The following IL20RB variants were observed in gnomAD, a reference collection of about 807,000 sequenced individuals.
The protein encoded by IL20RB is interleukin-20 receptor subunit beta.
Under a neutral mutation model 33.3 loss-of-function variants are expected in IL20RB, and 21 were observed. The observed-to-expected ratio is 0.63, with a 90% CI of 0.45 to 0.91. The LOEUF (loss-of-function observed/expected upper bound fraction) is 0.91. Among genes scored for constraint, IL20RB ranks in the 40% least tolerant of loss-of-function variants. The pLI is 0.00. For missense variants in IL20RB, 345 were observed against 384.8 expected, an observed-to-expected ratio of 0.90 and a Z score of 0.86; for synonymous variants, 147 against 146.8, an observed-to-expected ratio of 1.00 and a Z score of -0.01.
chr3:136,962,489 C>T (rs1176652413), intron 1 of IL20RB, among the ~76,000 whole-genome samples: 5 of 152,200 alleles, frequency 3.3e-5, no homozygotes, highest in Admixed American at 6.5e-5. Flanking sequence ...CGTGGTGGCT[C>T]ATGCCTGTAA....
chr3:136,989,442 C>G lies in IL20RB; in HGVS notation c.408C>G (p.Thr136=). 2 of 1,613,748 alleles carry G rather than the reference C, an allele frequency of 1.2e-6. No homozygotes were observed. Among genetic ancestry groups the G allele is most frequent in the Non-Finnish European group, 1.7e-6 (2 of 1,179,760 alleles). Residue 136 remains threonine, a splice_region_variant and synonymous_variant, in exon 4 of 7, where the codon ACC becomes ACG. Transcript: ENST00000329582. ...ACTCTCCTGTTGTCTTGCCAACAGC[C>G]ATCCTTACCCGACCTGGGATGGAGA... ...ILKHPFNRNS[T]ILTRPGMEIT... is the part of the protein sequence containing the mutation.
intron 4 of IL20RB, among the ~76,000 whole-genome samples, chr3:136,990,226 C>T (rs1386239579): frequency 2.0e-5 from 3 of 151,994 alleles, no homozygotes; most frequent in Non-Finnish European, 2.9e-5. Context: ...CCTGTGGAGC[C>T]TCTGTCCAAG....
chr3:136,981,995 A>G, intron 2 of IL20RB, 165 bp from the exon 3 acceptor site: 1 of 454,472 alleles, frequency 2.2e-6, no homozygotes. Flanking sequence ...GGAGTAAGGG[A>G]CGATGGATGG....
intron 1 of IL20RB, among the ~76,000 whole-genome samples, chr3:136,965,894 TTTTAGCATGAA>T: frequency 3.5e-5 from 1 of 28,486 alleles, no homozygotes; most frequent in Admixed American, 4.9e-4. Context: ...TATTGAGAAT[TTTTAGCATGAA>T]GGGTTGTTGA....
chr3:137,007,998 T>G (rs1932971643), intron 6 of IL20RB, among the ~76,000 whole-genome samples: 1 of 152,140 alleles, frequency 6.6e-6, no homozygotes, highest in Admixed American at 6.5e-5. Context: ...CAGTATATAG[T>G]CTCTGTTTAA....
In IL20RB at chr3:137,010,160, G is replaced by T; in HGVS notation, c.873G>T (p.Glu291Asp). 6.2e-7 allele frequency: 1 copy of T among 1,610,308 alleles called. No homozygotes were observed. Among genetic ancestry groups the T allele is most frequent in the Non-Finnish European group, 8.5e-7 (1 of 1,176,514 alleles). ...AGTTAATCAGCTGCAGAAGGGAGGAGGTGGATGCCTGTGCCACGGCTGTGA... is the reference window on the plus strand; with the variant it reads ...AGTTAATCAGCTGCAGAAGGGAGGATGTGGATGCCTGTGCCACGGCTGTGA... ...PQKLISCRRE[E>D]VDACATAVMS... Residue 291 changes from glutamate to aspartate, a missense_variant, in exon 7 of 7, where the codon GAG becomes GAT. Glu to Asp is a conservative substitution (Grantham distance 45). Transcript: ENST00000329582.
intron 3 of IL20RB, among the ~76,000 whole-genome samples, chr3:136,985,534 A>G (rs1941879170): frequency 1.3e-5 from 2 of 151,894 alleles, no homozygotes; most frequent in East Asian, 3.9e-4. Context: ...ACAGTGTTTC[A>G]CTATGTTGGC....
In IL20RB at chr3:137,002,068, T is replaced by G. The variant is rs1942254641; in HGVS notation, c.825+6512T>G. 2.0e-5 allele frequency among the ~76,000 whole-genome samples: 3 copies of G among 152,190 alleles called. No homozygotes were observed. The South Asian group carries it at 6.2e-4, about 31-fold the overall frequency. On this transcript the variant is annotated intron_variant, in intron 6 of 6. Coordinates refer to ENST00000329582, the MANE Select transcript of IL20RB (RefSeq NM_144717.4). ...TGATAGTTTGCTGAGAATGATGGTT[T>G]CCAGCTTCATCCATGTCCCTGCAAA...
In IL20RB at chr3:137,007,776, G is replaced by C. The variant is rs191676753; in HGVS notation, c.826-2337G>C. 2.2e-3 allele frequency among the ~76,000 whole-genome samples: 328 copies of C among 152,246 alleles called. 2 individuals are homozygous for C. Among genetic ancestry groups the C allele is most frequent in the African/African-American group, 7.6e-3 (316 of 41,554 alleles). ...GCGATGCCCTGCCCTGCTTCAGCTC[G>C]CCCTCTGTGGGCTGCACCGACTGTC... On this transcript the variant is annotated intron_variant, in intron 6 of 6. Transcript: ENST00000329582.
At chr3:137,008,592 ATGTT>A (rs1470036737) in intron 6 of IL20RB, among the ~76,000 whole-genome samples, 5 of 152,288 alleles carry the variant, frequency 3.3e-5, no homozygotes, top group African/African-American at 1.2e-4. Context: ...TGAGATTATG[ATGTT>A]TGTTTTACAT....
intron 1 of IL20RB, among the ~76,000 whole-genome samples, chr3:136,963,782 C>T (rs1321235270): frequency 6.6e-5 from 7 of 105,740 alleles, no homozygotes; most frequent in Non-Finnish European, 7.4e-5. Flanking sequence ...CATGCTGGTG[C>T]GCTGCACCCA....
chr3:136,995,756 G>T (rs890334396), intron 6 of IL20RB, among the ~76,000 whole-genome samples, 200 bp downstream of exon 6: 5 of 152,118 alleles, frequency 3.3e-5, no homozygotes, highest in African/African-American at 1.2e-4. Context: ...AGGGCGTGGT[G>T]ACCTTCCTGA....
chr3:136,966,274 C>T (rs1459422244), intron 1 of IL20RB, among the ~76,000 whole-genome samples: 3 of 110,588 alleles, frequency 2.7e-5, no homozygotes, highest in African/African-American at 1.1e-4. Context: ...AGGAATGGTA[C>T]CAGTTCCTCC....
At chr3:137,000,021 A>G (rs947343983) in intron 6 of IL20RB, among the ~76,000 whole-genome samples, 2 of 152,166 alleles carry the variant, frequency 1.3e-5, no homozygotes, top group African/African-American at 4.8e-5. Context: ...TATTTGGTGT[A>G]GGTCACATTT....
chr3:136,968,960 G>A (rs1941394314), intron 1 of IL20RB, among the ~76,000 whole-genome samples: 1 of 19,492 alleles, frequency 5.1e-5, no homozygotes, highest in South Asian at 2.1e-3. Flanking sequence ...CCTGCTGTGT[G>A]AGGTGTCAGT....
In IL20RB at chr3:136,988,018, C is replaced by T. The variant is rs547245623; in HGVS notation, c.407-1423C>T. Among the ~76,000 whole-genome samples, 392 of 152,350 alleles carry T rather than the reference C, an allele frequency of 2.6e-3. 4 individuals carry two copies. Among genetic ancestry groups the T allele is most frequent in the African/African-American group, 8.2e-3 (341 of 41,580 alleles). ...GGGAGCCGGCTCCAGTCTTGGCCAG[C>T]CCAGAAAGGGGCTCCCGCAGTGCAG... On this transcript the variant is annotated intron_variant, in intron 3 of 6. Transcript: ENST00000329582.
chr3:137,002,801 T>A (rs1425115878), intron 6 of IL20RB, among the ~76,000 whole-genome samples: 10 of 152,208 alleles, frequency 6.6e-5, no homozygotes, highest in African/African-American at 1.4e-4. Flanking sequence ...ATTTTGGCTT[T>A]TGTTGCCATT....
chr3:136,991,763 C>T (rs1258418736), intron 4 of IL20RB, among the ~76,000 whole-genome samples, 175 bp from the exon 5 acceptor site: 1 of 152,200 alleles, frequency 6.6e-6, no homozygotes, highest in Non-Finnish European at 1.5e-5. Context: ...CACCCACCAC[C>T]ATGCCTGGCT....
rs1439008714 is a variant in IL20RB at position 136,982,171 on chromosome 3, G to A, written c.227G>A (p.Ser76Asn). ...YSVEYQGEYE[S>N]LYTSHIWIPS... Reference sequence around the variant, plus strand: ...CCTCTCTTTGACAGGGAGTACGAGAGCCTGTACACGAGCCACATCTGGATC... The same window carrying A: ...CCTCTCTTTGACAGGGAGTACGAGAACCTGTACACGAGCCACATCTGGATC... Residue 76 changes from serine to asparagine, a missense_variant, in exon 3 of 7, where the codon AGC becomes AAC. Coordinates refer to ENST00000329582, the MANE Select transcript of IL20RB (RefSeq NM_144717.4). The A allele has an allele frequency of 1.9e-6, 3 of 1,580,302 alleles. No homozygotes were observed. The highest frequency in any genetic ancestry group is 2.6e-6 in the Non-Finnish European group (3 of 1,154,746).
Sources: allele counts gnomAD v4.1 joint callset (sites outside exome capture counted in the v4.1 genomes callset), GRCh38; gene constraint gnomAD v4.1.1; transcripts MANE v1.5; gene names NCBI Gene and HGNC (gene_info 2026-07-23, HGNC 2026-07-21).